ADCY2: variants seen among roughly 807,000 people sequenced by gnomAD.
ADCY2 encodes adenylate cyclase type 2.
A neutral mutation model predicts 125.2 loss-of-function variants in ADCY2; 31 were observed. The observed-to-expected ratio is 0.25, with a 90% CI of 0.19 to 0.33. The LOEUF is 0.33. Among genes scored for constraint, ADCY2 ranks in the 10% least tolerant of loss-of-function variants. ADCY2 has a pLI of 1.00. For missense variants in ADCY2, 904 were observed against 1,418.2 expected (o/e 0.64, Z 5.82); for synonymous variants, 512 against 548.4 (o/e 0.93, Z 0.93).
intron 3 of ADCY2, among the ~76,000 whole-genome samples, chr5:7,543,212 A>G (rs1735047712): frequency 6.6e-6 from 1 of 152,214 alleles, no homozygotes; most frequent in Non-Finnish European, 1.5e-5. Context: ...GGTATCAAGC[A>G]AATTTTTATT....
At chr5:7,810,932 C>G (rs2126531225) in intron 22 of ADCY2, among the ~76,000 whole-genome samples, 1 of 152,188 alleles carries the variant, frequency 6.6e-6, no homozygotes, top group South Asian at 2.1e-4. Flanking sequence ...TAGTTTTGAT[C>G]TTTTTCAAAC....
intron 4 of ADCY2, among the ~76,000 whole-genome samples, chr5:7,639,888 T>G (rs1041502210): frequency 2.0e-5 from 3 of 152,206 alleles, no homozygotes; most frequent in Admixed American, 6.5e-5. Flanking sequence ...CGAACTTGAA[T>G]TATTTTAGCC....
chr5:7,756,180 G>C (rs1482237765), intron 15 of ADCY2, among the ~76,000 whole-genome samples: 1 of 152,250 alleles, frequency 6.6e-6, no homozygotes, highest in African/African-American at 2.4e-5. Context: ...TGCATAGGCA[G>C]AGTTGATGTC....
chr5:7,479,229 AAG>A (rs1742633363), intron 2 of ADCY2, among the ~76,000 whole-genome samples: 1 of 152,138 alleles, frequency 6.6e-6, no homozygotes, highest in Non-Finnish European at 1.5e-5. Flanking sequence ...ACGTTTGAAT[AAG>A]AGTGATAAGA....
At chr5:7,511,608 G>A (rs1261984684) in intron 2 of ADCY2, among the ~76,000 whole-genome samples, 2 of 152,122 alleles carry the variant, frequency 1.3e-5, no homozygotes, top group East Asian at 3.9e-4. Context: ...TGATTAGCAA[G>A]AAAGAAAACG....
intron 3 of ADCY2, among the ~76,000 whole-genome samples, chr5:7,571,367 A>G (rs1320277674): frequency 6.6e-6 from 1 of 152,140 alleles, no homozygotes; most frequent in Non-Finnish European, 1.5e-5. Flanking sequence ...AAACGACTGG[A>G]GAAGATGGAC....
At chr5:7,615,665 C>T (rs1388614253) in intron 3 of ADCY2, among the ~76,000 whole-genome samples, 1 of 152,122 alleles carries the variant, frequency 6.6e-6, no homozygotes, top group African/African-American at 2.4e-5. Flanking sequence ...CACCCAGGGG[C>T]ACTCCAGGAT....
At chr5:7,534,911 C>T (rs1467457843) in intron 3 of ADCY2, among the ~76,000 whole-genome samples, 4 of 152,194 alleles carry the variant, frequency 2.6e-5, no homozygotes, top group Admixed American at 6.5e-5. Context: ...CAGGACCCCT[C>T]GTATCATAGT....
rs1218347257 is a variant in ADCY2 at position 7,820,546 on chromosome 5, C to G, written c.2999-19C>G. The G allele has an allele frequency of 1.1e-5, 17 of 1,613,062 alleles. No individual in the cohort carries two copies. Among genetic ancestry groups the G allele is most frequent in the Non-Finnish European group, 1.4e-5 (17 of 1,179,424 alleles). On this transcript the variant is annotated intron_variant, in intron 23 of 24. Coordinates refer to ENST00000338316, the MANE Select transcript of ADCY2 (RefSeq NM_020546.3). ...GGTTATAAGATGAATCTTGCTAACT[C>G]AACTCTGATGTGGCACAGGTATTAA...
intron 3 of ADCY2, among the ~76,000 whole-genome samples, chr5:7,557,260 A>G (rs145871610): frequency 1.7e-4 from 24 of 140,578 alleles, no homozygotes; most frequent in Non-Finnish European, 3.4e-4. Context: ...CAACCTCCCT[A>G]GTAATCAGAA....
intron 2 of ADCY2, among the ~76,000 whole-genome samples, chr5:7,480,488 G>T (rs1742687989): frequency 6.6e-6 from 1 of 152,120 alleles, no homozygotes; most frequent in African/African-American, 2.4e-5. Context: ...ATCCTTAGAA[G>T]ACTAATACAT....
chr5:7,678,091 TA>T (rs1024633464), intron 4 of ADCY2, among the ~76,000 whole-genome samples: 11 of 152,140 alleles, frequency 7.2e-5, no homozygotes, highest in Non-Finnish European at 1.0e-4. Context: ...AATCAATAAA[TA>T]TTTTTTAATG....
Position 7,706,843 on chromosome 5 carries a change from T to C in ADCY2, c.1209T>C (p.Tyr403=), listed in dbSNP as rs1412317569. 1 of 1,614,228 alleles carries C rather than the reference T, an allele frequency of 6.2e-7. No homozygotes were observed. Among genetic ancestry groups the C allele is most frequent in the East Asian group, 2.2e-5 (1 of 44,878 alleles). ...TGATTGGTCTGCAGAAGTGGCAATA[T>C]GATGTGTGGTCACATGATGTGACCT... ...CGVIGLQKWQ[Y]DVWSHDVTLA... The change falls in exon 8 of 25, where the codon TAT becomes TAC. Residue 403 remains tyrosine (Y), a synonymous_variant. Coordinates refer to ENST00000338316, the MANE Select transcript of ADCY2 (RefSeq NM_020546.3).
At chr5:7,556,083 T>C (rs1032615367) in intron 3 of ADCY2, among the ~76,000 whole-genome samples, 1 of 152,188 alleles carries the variant, frequency 6.6e-6, no homozygotes, top group African/African-American at 2.4e-5. Context: ...GGTGAGCAGC[T>C]ACCATATTGG....
rs561788955 is a variant in ADCY2 at position 7,507,829 on chromosome 5, T to A, written c.409-12909T>A. ...ACCTTCAGGGATTATGTATGAATAA[T>A]GTTCGACTTCAGCAGATCATGGCCT... On this transcript the variant is annotated intron_variant, in intron 2 of 24. Transcript: ENST00000338316. Among the ~76,000 whole-genome samples the A allele has an allele frequency of 2.6e-5, 4 of 152,278 alleles. No individual in the cohort carries two copies. The South Asian group carries it at 8.3e-4, about 32-fold the overall frequency.
chr5:7,582,742 G>T (rs947194223), intron 3 of ADCY2, among the ~76,000 whole-genome samples: 8 of 151,962 alleles, frequency 5.3e-5, no homozygotes, highest in Non-Finnish European at 1.2e-4. Flanking sequence ...AACTGAAAAA[G>T]GGCATATATG....
chr5:7,705,827 G>A (rs1032445492), intron 7 of ADCY2, among the ~76,000 whole-genome samples: 9 of 152,146 alleles, frequency 5.9e-5, no homozygotes, highest in African/African-American at 9.7e-5. Context: ...TTTTTATATC[G>A]TGGGTCCGTT....
At chr5:7,545,592 A>G (rs1735123299) in intron 3 of ADCY2, among the ~76,000 whole-genome samples, 1 of 152,188 alleles carries the variant, frequency 6.6e-6, no homozygotes, top group African/African-American at 2.4e-5. Context: ...CCAAAGTCAC[A>G]GCTTAGAAAA....
intron 3 of ADCY2, among the ~76,000 whole-genome samples, chr5:7,606,471 A>AT (rs544039082): frequency 6.6e-6 from 1 of 152,212 alleles, no homozygotes; most frequent in Non-Finnish European, 1.5e-5. Context: ...TTAATGCAAA[A>AT]TTTAATTTAT....
Sources: allele counts gnomAD v4.1 joint callset (sites outside exome capture counted in the v4.1 genomes callset), GRCh38; gene constraint gnomAD v4.1.1; transcripts MANE v1.5; gene names NCBI Gene and HGNC (gene_info 2026-07-23, HGNC 2026-07-21).